Variants in ZNF385D observed in about 807,000 individuals in gnomAD.
ZNF385D encodes zinc finger protein 659.
Under a neutral mutation model 35.8 loss-of-function variants are expected in ZNF385D, and 15 were observed. The observed-to-expected ratio is 0.42, with a 90% CI of 0.28 to 0.64. ZNF385D has a LOEUF of 0.64. Among genes scored for constraint, ZNF385D ranks in the 30% least tolerant of loss-of-function variants. ZNF385D has a pLI of 0.23. For missense variants in ZNF385D, 474 were observed against 494.6 expected (o/e 0.96, Z 0.39); for synonymous variants, 212 against 186.8 (o/e 1.13, Z -1.10).
At chr3:21,807,627 A>C in intron 3 of ZNF385D, among the ~76,000 whole-genome samples, 1 of 152,288 alleles carries the variant, frequency 6.6e-6, no homozygotes, top group South Asian at 2.1e-4. Context: ...AATTTTACTT[A>C]AAATATATTT....
chr3:22,194,030 G>A (rs1696239022), intron 2 of ZNF385D, among the ~76,000 whole-genome samples: 1 of 151,800 alleles, frequency 6.6e-6, no homozygotes, highest in Non-Finnish European at 1.5e-5. Context: ...TTAGGAGGTA[G>A]AACACTTCTC....
chr3:22,273,528 A>G (rs956344944), intron 2 of ZNF385D, among the ~76,000 whole-genome samples: 1 of 152,088 alleles, frequency 6.6e-6, no homozygotes, highest in African/African-American at 2.4e-5. Context: ...AGCCCTCATA[A>G]CAAAAAATTA....
At chr3:22,306,032 T>C (rs1217506718) in intron 2 of ZNF385D, among the ~76,000 whole-genome samples, 5 of 152,316 alleles carry the variant, frequency 3.3e-5, no homozygotes, top group Middle Eastern at 3.4e-3. Context: ...AAATGCTGCC[T>C]ACCAAAATTT....
intron 3 of ZNF385D, among the ~76,000 whole-genome samples, chr3:21,511,430 C>G (rs1707191035): frequency 1.3e-5 from 2 of 152,140 alleles, no homozygotes; most frequent in Admixed American, 1.3e-4. Flanking sequence ...TGCATTTTCT[C>G]TTTCTACAAT....
At chr3:21,634,785 T>C (rs1449373776) in intron 2 of ZNF385D, among the ~76,000 whole-genome samples, 2 of 152,060 alleles carry the variant, frequency 1.3e-5, no homozygotes, top group Non-Finnish European at 2.9e-5. Flanking sequence ...AATGTGATAT[T>C]TTCCTTCAGT....
intron 3 of ZNF385D, among the ~76,000 whole-genome samples, chr3:22,033,209 C>T (rs1014224588): frequency 4.6e-5 from 7 of 151,820 alleles, no homozygotes; most frequent in African/African-American, 1.2e-4. Flanking sequence ...CGAGACCAAA[C>T]GGGACAACAT....
intron 3 of ZNF385D, among the ~76,000 whole-genome samples, chr3:21,996,718 G>T (rs1484235184): frequency 6.6e-6 from 1 of 152,108 alleles, no homozygotes; most frequent in Non-Finnish European, 1.5e-5. Context: ...ATTGGAAAGT[G>T]TAATTTTCTT....
At chr3:21,801,843 C>G (rs2072420253) in intron 3 of ZNF385D, among the ~76,000 whole-genome samples, 1 of 152,106 alleles carries the variant, frequency 6.6e-6, no homozygotes, top group African/African-American at 2.4e-5. Flanking sequence ...TCAGTGATTA[C>G]TTACTCTCTG....
At chr3:21,647,004 T>C (rs535282711) in intron 2 of ZNF385D, among the ~76,000 whole-genome samples, 96 of 152,292 alleles carry the variant, frequency 6.3e-4, no homozygotes, top group African/African-American at 2.2e-3. Flanking sequence ...TAATGGCATA[T>C]CCAGTTTCTT....
At chr3:21,655,460 A>G (rs780660948) in intron 2 of ZNF385D, among the ~76,000 whole-genome samples, 2 of 152,028 alleles carry the variant, frequency 1.3e-5, no homozygotes, top group Non-Finnish European at 1.5e-5. Context: ...ATTAACATTT[A>G]AAGTTATTTA....
At chr3:21,616,623 T>TA (rs1274442644) in intron 2 of ZNF385D, among the ~76,000 whole-genome samples, 3 of 152,170 alleles carry the variant, frequency 2.0e-5, no homozygotes, top group East Asian at 1.9e-4. Flanking sequence ...GTTTTATAAT[T>TA]AAAAAAAAGA....
At chr3:22,330,136 C>G (rs983214472) in intron 2 of ZNF385D, among the ~76,000 whole-genome samples, 2 of 152,124 alleles carry the variant, frequency 1.3e-5, no homozygotes. Flanking sequence ...TCGATGAGTA[C>G]ATATTTTATT....
chr3:21,912,585 C>T (rs1700015113), intron 3 of ZNF385D, among the ~76,000 whole-genome samples: 1 of 151,966 alleles, frequency 6.6e-6, no homozygotes, highest in Non-Finnish European at 1.5e-5. Flanking sequence ...ATAGTGCATG[C>T]AAGTCAGGAG....
intron 2 of ZNF385D, among the ~76,000 whole-genome samples, chr3:22,206,041 C>A (rs1161505180): frequency 6.6e-6 from 1 of 151,858 alleles, no homozygotes; most frequent in Non-Finnish European, 1.5e-5. Context: ...TAGAAACACA[C>A]TTTACCTGTA....
At chr3:21,971,801 G>T (rs1009686206) in intron 3 of ZNF385D, among the ~76,000 whole-genome samples, 1 of 151,780 alleles carries the variant, frequency 6.6e-6, no homozygotes, top group African/African-American at 2.4e-5. Flanking sequence ...AGCCAAAAAA[G>T]AGCAGGAGTG....
intron 3 of ZNF385D, among the ~76,000 whole-genome samples, chr3:22,070,646 G>A (rs529713126): frequency 1.9e-4 from 29 of 152,056 alleles, no homozygotes; most frequent in Non-Finnish European, 3.2e-4. Context: ...GTCCAGGGTA[G>A]AGGACATGAG....
intron 3 of ZNF385D, among the ~76,000 whole-genome samples, chr3:21,553,127 C>G (rs951063579): frequency 6.6e-6 from 1 of 152,114 alleles, no homozygotes; most frequent in Non-Finnish European, 1.5e-5. Flanking sequence ...TGGATTCTCC[C>G]CTGGAACCTG....
At chr3:22,304,916 CTTAT>C (rs767091899) in intron 2 of ZNF385D, among the ~76,000 whole-genome samples, 2 of 151,896 alleles carry the variant, frequency 1.3e-5, no homozygotes, top group African/African-American at 2.4e-5. Context: ...ATTTATTTTC[CTTAT>C]TTCTTTTTAT....
At chr3:22,156,474 A>G (rs905421436) in intron 3 of ZNF385D, among the ~76,000 whole-genome samples, 8 of 151,986 alleles carry the variant, frequency 5.3e-5, no homozygotes, top group African/African-American at 1.9e-4. Context: ...CTAGGTTTAG[A>G]GAGAGAGAGA....
Sources: gnomAD v4.1 joint callset for allele counts (sites outside exome capture counted in the v4.1 genomes callset) on GRCh38, gnomAD v4.1.1 for gene constraint, MANE v1.5 for transcripts, NCBI Gene and HGNC (gene_info 2026-07-23, HGNC 2026-07-21) for gene names.